The following CDC123 variants were observed in gnomAD, a reference collection of about 807,000 sequenced individuals.
CDC123 encodes cell division cycle 123, also known as translation initiation factor eIF2 assembly protein.
CDC123 carries 37 observed loss-of-function variants against 54.4 expected under a neutral mutation model. The ratio of observed to expected loss-of-function variants is 0.68; its 90% confidence interval spans 0.52 to 0.89. The LOEUF is 0.89. Among genes scored for constraint, CDC123 ranks in the 40% least tolerant of loss-of-function variants. The pLI, the probability that CDC123 is intolerant of heterozygous loss-of-function variation, is 0.00. For missense variants in CDC123, 361 were observed against 412.1 expected, an observed-to-expected ratio of 0.88 and a Z score of 1.07; for synonymous variants, 144 against 136.8, an observed-to-expected ratio of 1.05 and a Z score of -0.37.
At chr10:12,240,218 C>T (rs1408630709) in intron 10 of CDC123, among the ~76,000 whole-genome samples, 5 of 152,136 alleles carry the variant, frequency 3.3e-5, no homozygotes, top group African/African-American at 1.2e-4. Context: ...GCAGAGATTT[C>T]ACTGTCCAAG....
At chr10:12,198,617 A>G in intron 1 of CDC123, 88 bp from the exon 2 acceptor site, 1 of 757,880 alleles carries the variant, frequency 1.3e-6, no homozygotes, top group Admixed American at 2.4e-5. Flanking sequence ...AAGAAAGACA[A>G]TTCCAAAATT....
chr10:12,249,127 CA>C (rs58244020), intron 11 of CDC123, among the ~76,000 whole-genome samples: 6,516 of 133,732 alleles, frequency 0.049, 246 homozygotes, highest in African/African-American at 0.12. Context: ...GACTTTGCCT[CA>C]AAAAAAAAAA....
chr10:12,243,571 G>A (rs754725411), intron 10 of CDC123, among the ~76,000 whole-genome samples: 3 of 151,680 alleles, frequency 2.0e-5, no homozygotes, highest in Non-Finnish European at 4.4e-5. Context: ...GGCAGATCAC[G>A]AGGTCAGGAG....
chr10:12,211,259 T>C (rs1474786045), intron 4 of CDC123, among the ~76,000 whole-genome samples: 1 of 151,964 alleles, frequency 6.6e-6, no homozygotes, highest in East Asian at 1.9e-4. Flanking sequence ...ACGGGAAAGT[T>C]TTTAGTGAAA....
chr10:12,202,166 G>C (rs2131730891), intron 2 of CDC123, among the ~76,000 whole-genome samples: 1 of 152,268 alleles, frequency 6.6e-6, no homozygotes, highest in South Asian at 2.1e-4. Flanking sequence ...TAGGTCTTAA[G>C]TGTACAACTT....
chr10:12,202,813 G>C (rs1011100958), intron 2 of CDC123, among the ~76,000 whole-genome samples: 1 of 152,224 alleles, frequency 6.6e-6, no homozygotes, highest in East Asian at 1.9e-4. Flanking sequence ...TTAGGAATTT[G>C]AGACCGGCTT....
chr10:12,232,384 T>G (rs1178542013), intron 7 of CDC123, among the ~76,000 whole-genome samples: 2 of 152,190 alleles, frequency 1.3e-5, no homozygotes, highest in African/African-American at 4.8e-5. Flanking sequence ...TAGTGTCTGT[T>G]TGCTTCTAGC....
At chr10:12,202,144 T>C (rs12783223) in intron 2 of CDC123, among the ~76,000 whole-genome samples, 77,828 of 151,916 alleles carry the variant, frequency 0.51, 20,227 homozygotes, top group Middle Eastern at 0.63. Flanking sequence ...GGTACATTTA[T>C]GATAAAATGT....
intron 4 of CDC123, among the ~76,000 whole-genome samples, chr10:12,211,711 G>T (rs1258951891): frequency 6.6e-6 from 1 of 152,234 alleles, no homozygotes; most frequent in African/African-American, 2.4e-5. Context: ...TCAGATCAGA[G>T]ACAGCAGTTA....
At chr10:12,212,758 A>G (rs949370802) in intron 4 of CDC123, among the ~76,000 whole-genome samples, 1 of 152,238 alleles carries the variant, frequency 6.6e-6, no homozygotes, top group African/African-American at 2.4e-5. Context: ...CCCCAAGGGA[A>G]AAATGAAATT....
intron 6 of CDC123, among the ~76,000 whole-genome samples, chr10:12,226,213 C>T (rs986772505): frequency 6.6e-6 from 1 of 151,880 alleles, no homozygotes. Context: ...CCCACACTTC[C>T]CCCCCTTCCA....
At chr10:12,229,827 A>C (rs549218885) in intron 6 of CDC123, among the ~76,000 whole-genome samples, 1 of 152,190 alleles carries the variant, frequency 6.6e-6, no homozygotes, top group African/African-American at 2.4e-5. Flanking sequence ...GGCTGAATGG[A>C]TCTATCTGAG....
At chr10:12,198,410 ATGT>A (rs991308058) in intron 1 of CDC123, among the ~76,000 whole-genome samples, 2 of 152,088 alleles carry the variant, frequency 1.3e-5, no homozygotes, top group African/African-American at 2.4e-5. Flanking sequence ...AGACACATAA[ATGT>A]TGTGCTCACT....
intron 6 of CDC123, among the ~76,000 whole-genome samples, chr10:12,230,435 C>T (rs900156302): frequency 1.3e-5 from 2 of 152,172 alleles, no homozygotes; most frequent in Non-Finnish European, 2.9e-5. Context: ...TCAAGTGATC[C>T]ACCTGCCTTG....
At chr10:12,247,433 T>A (rs1339546626) in intron 11 of CDC123, 5 of 125,022 alleles carry the variant, frequency 4.0e-5, no homozygotes, top group African/African-American at 1.7e-4. Context: ...GGACACTGTG[T>A]CCTCCTCTCT....
At position 12,196,416 on chromosome 10, in the gene CDC123, C is replaced by T. The variant is rs141874461; in HGVS notation, c.74+97C>T. 1,899 of 1,475,144 alleles carry T rather than the reference C, an allele frequency of 1.3e-3. 29 individuals carry two copies. In the African/African-American group the frequency reaches 0.022, roughly 17 times the overall value. The allele number at this position is 1,475,144 out of a possible 1,614,324, so 91.4% of individuals were successfully genotyped here. A position where few individuals can be genotyped will look rare whatever the true frequency, so the allele number is the denominator to read the frequency against. On this transcript the variant is annotated intron_variant, in intron 1 of 12. Transcript: ENST00000281141. Reference sequence around the variant, plus strand: ...ATCCAAAAAAATGCAGGCCTTCTAGCGACTGCATGGGAGGGAGTGTGTCGA... The same window carrying T: ...ATCCAAAAAAATGCAGGCCTTCTAGTGACTGCATGGGAGGGAGTGTGTCGA...
intron 11 of CDC123, among the ~76,000 whole-genome samples, 196 bp from the exon 12 acceptor site, chr10:12,249,385 C>A (rs903830809): frequency 6.6e-6 from 1 of 152,218 alleles, no homozygotes; most frequent in Non-Finnish European, 1.5e-5. Flanking sequence ...CTGCAGTGAG[C>A]CACTGCACTC....
At chr10:12,214,930 GT>G (rs1027689916) in intron 4 of CDC123, among the ~76,000 whole-genome samples, 6 of 151,890 alleles carry the variant, frequency 4.0e-5, no homozygotes, top group African/African-American at 1.2e-4. Context: ...TAATGTTTTT[GT>G]TTTTTTATGT....
Position 12,220,855 on chromosome 10 carries a change from C to T in CDC123, c.440+3388C>T, listed in dbSNP as rs944705681. ...AGCCGGGCGTGGTGGCGGGCGCCTG[C>T]AGTCCTAGCTACTCGGGAGGCTGAG... On this transcript the variant is annotated intron_variant, in intron 6 of 12. Transcript: ENST00000281141. Among the ~76,000 whole-genome samples, 5 of 152,004 alleles carry T rather than the reference C, an allele frequency of 3.3e-5. 1 individual carries two copies. The highest frequency in any genetic ancestry group is 2.1e-4 in the South Asian group (1 of 4,828).
Sources: allele counts gnomAD v4.1 joint callset (sites outside exome capture counted in the v4.1 genomes callset), GRCh38; gene constraint gnomAD v4.1.1; transcripts MANE v1.5; gene names NCBI Gene and HGNC (gene_info 2026-07-23, HGNC 2026-07-21).